Variants in ELK3 observed in about 807,000 individuals in gnomAD.
ELK3 encodes ETS domain-containing protein Elk-3.
In ELK3, 10 loss-of-function variants were observed where a neutral mutation model predicts 28.9. That is an observed-to-expected ratio of 0.35 (90% CI 0.21 to 0.59). ELK3 has a LOEUF of 0.59. Among genes scored for constraint, ELK3 ranks in the 20% least tolerant of loss-of-function variants. The probability of loss-of-function intolerance (pLI) is 0.82; values close to 1 mark genes in which losing one functional copy is unlikely to be tolerated. For synonymous variants in ELK3, 272 were observed against 243.5 expected, an observed-to-expected ratio of 1.12 and a Z score of -1.09; for missense variants, 463 against 517.3, an observed-to-expected ratio of 0.90 and a Z score of 1.02.
chr12:96,269,514 A>T lies in ELK3; in HGVS notation c.*2334A>T, dbSNP rs1245280833. Reference sequence around the variant, plus strand: ...GGATGAAAATACTCCTGTAACACAAACAGAGAACTGGAGGAACTGAAGAAT... The same window carrying T: ...GGATGAAAATACTCCTGTAACACAATCAGAGAACTGGAGGAACTGAAGAAT... On this transcript the variant is annotated 3_prime_UTR_variant, in exon 5 of 5. Transcript: ENST00000228741. 6.6e-6 allele frequency: 1 copy of T among 152,192 alleles called. No individual in the cohort carries two copies. The highest frequency in any genetic ancestry group is 1.9e-4 in the East Asian group (1 of 5,198). The allele number at this position is 152,192 out of a possible 1,614,324, so 9.4% of individuals were successfully genotyped here.
chr12:96,215,628 CCT>C (rs1491363670), intron 1 of ELK3, among the ~76,000 whole-genome samples: 2 of 134,934 alleles, frequency 1.5e-5, no homozygotes, highest in Non-Finnish European at 3.1e-5. Context: ...GGACATAAAA[CCT>C]TTTTTTTTTT....
At chr12:96,210,597 A>ACACACACCCCCCC (rs1416746905) in intron 1 of ELK3, among the ~76,000 whole-genome samples, 4 of 148,954 alleles carry the variant, frequency 2.7e-5, no homozygotes, top group Admixed American at 6.7e-5. Context: ...ACACACACAC[A>ACACACACCCCCCC]CCCCGAGTGG....
chr12:96,243,424 T>G (rs925926392), intron 2 of ELK3, among the ~76,000 whole-genome samples: 2 of 152,214 alleles, frequency 1.3e-5, no homozygotes, highest in Non-Finnish European at 2.9e-5. Flanking sequence ...CACTTTGCAG[T>G]GAATCATAGA....
chr12:96,265,437 G>A (rs897611287), intron 4 of ELK3, among the ~76,000 whole-genome samples: 2 of 152,174 alleles, frequency 1.3e-5, no homozygotes, highest in Non-Finnish European at 2.9e-5. Flanking sequence ...TGCAATCCCA[G>A]CACTTTGGGA....
intron 1 of ELK3, among the ~76,000 whole-genome samples, chr12:96,200,561 T>C (rs1430514470): frequency 6.6e-6 from 1 of 151,750 alleles, no homozygotes; most frequent in Non-Finnish European, 1.5e-5. Flanking sequence ...GCACTGGCAC[T>C]GTCATAGCTC....
chr12:96,269,762 C>T lies in ELK3; in HGVS notation c.*2582C>T, dbSNP rs890706109. 6.6e-6 allele frequency: 1 copy of T among 152,158 alleles called. No homozygotes were observed. Among genetic ancestry groups the T allele is most frequent in the African/African-American group, 2.4e-5 (1 of 41,430 alleles). The allele number at this position is 152,158 out of a possible 1,614,324, so 9.4% of individuals were successfully genotyped here. ...TCTTTTCTATGACTGCAAATCTTCA[C>T]TTTATGTATCATTTTTACTGTCATA... On this transcript the variant is annotated 3_prime_UTR_variant, in exon 5 of 5. Coordinates refer to ENST00000228741, the MANE Select transcript of ELK3 (RefSeq NM_005230.4).
In ELK3 at chr12:96,269,653, TTA is replaced by T. The variant is rs1478313836; in HGVS notation, c.*2475_*2476del. 6.6e-6 allele frequency: 1 copy of T among 152,238 alleles called. No homozygotes were observed. Among genetic ancestry groups the T allele is most frequent in the Admixed American group, 6.5e-5 (1 of 15,294 alleles). 9.4% of individuals were successfully genotyped at this position (152,238 alleles called of 1,614,324 possible). A position where few individuals can be genotyped will look rare whatever the true frequency, so the allele number is the denominator to read the frequency against. On this transcript the variant is annotated 3_prime_UTR_variant, in exon 5 of 5. Coordinates refer to ENST00000228741, the MANE Select transcript of ELK3 (RefSeq NM_005230.4). Reference sequence around the variant, plus strand: ...AACATTAATGACTTTCTTTTCCCTTTTATGTCTGCTTAATCAGTGTTAAACTG... The same window carrying T: ...AACATTAATGACTTTCTTTTCCCTTTTGTCTGCTTAATCAGTGTTAAACTG...
chr12:96,204,455 G>C (rs1185629755), intron 1 of ELK3, among the ~76,000 whole-genome samples: 1 of 152,196 alleles, frequency 6.6e-6, no homozygotes, highest in African/African-American at 2.4e-5. Flanking sequence ...GGGAGGACTA[G>C]GTCTCCTAAT....
At chr12:96,196,006 G>T (rs1003772359) in intron 1 of ELK3, among the ~76,000 whole-genome samples, 1 of 151,968 alleles carries the variant, frequency 6.6e-6, no homozygotes, top group Non-Finnish European at 1.5e-5. Context: ...AGTTGGCTGC[G>T]GAGAGGGTTA....
At chr12:96,235,385 CGTCTCCCT>C (rs1565785787) in intron 2 of ELK3, among the ~76,000 whole-genome samples, 1 of 152,080 alleles carries the variant, frequency 6.6e-6, no homozygotes, top group Non-Finnish European at 1.5e-5. Flanking sequence ...GCTGTCATTG[CGTCTCCCT>C]TACGGGGCCG....
chr12:96,237,164 T>G (rs1951790715), intron 2 of ELK3, among the ~76,000 whole-genome samples: 1 of 152,224 alleles, frequency 6.6e-6, no homozygotes, highest in African/African-American at 2.4e-5. Context: ...TCTAAGGTCC[T>G]TGGTGGACAT....
In ELK3 at chr12:96,269,352, A is replaced by G. The variant is rs773364075; in HGVS notation, c.*2172A>G. On this transcript the variant is annotated 3_prime_UTR_variant, in exon 5 of 5. Transcript: ENST00000228741. ...CTCAACCAAAACTACTATTTTTAGT[A>G]TACTTGTTTACGTAAATGCTGATTG... The G allele has an allele frequency of 6.6e-6, 1 of 152,244 alleles. No individual in the cohort carries two copies. Among genetic ancestry groups the G allele is most frequent in the Non-Finnish European group, 1.5e-5 (1 of 68,044 alleles). 9.4% of individuals were successfully genotyped at this position (152,244 alleles called of 1,614,324 possible).
intron 1 of ELK3, among the ~76,000 whole-genome samples, chr12:96,213,088 G>T (rs1278324342): frequency 6.6e-6 from 1 of 152,174 alleles, no homozygotes; most frequent in African/African-American, 2.4e-5. Context: ...AGCTGTTTAT[G>T]TGTTGTGGAA....
chr12:96,201,745 T>A (rs892847434), intron 1 of ELK3, among the ~76,000 whole-genome samples: 2 of 152,192 alleles, frequency 1.3e-5, no homozygotes, highest in Non-Finnish European at 2.9e-5. Flanking sequence ...TCCAGACATC[T>A]GACTTATAGA....
rs186192132 is a variant in ELK3 at position 96,224,930 on chromosome 12, A to C, written c.207+1157A>C. On this transcript the variant is annotated intron_variant, in intron 2 of 4. Coordinates refer to ENST00000228741, the MANE Select transcript of ELK3 (RefSeq NM_005230.4). Reference sequence around the variant, plus strand: ...GACATAAGGATTATACGTTTCAGGAAGTAGAGACATCATTAATTATAAAGT... The same window carrying C: ...GACATAAGGATTATACGTTTCAGGACGTAGAGACATCATTAATTATAAAGT... Among the ~76,000 whole-genome samples the C allele has an allele frequency of 1.1e-4, 17 of 152,374 alleles. 1 individual carries two copies. The highest frequency in any genetic ancestry group is 1.0e-3 in the Admixed American group (16 of 15,308).
intron 3 of ELK3, among the ~76,000 whole-genome samples, chr12:96,256,521 C>G (rs1951950283): frequency 6.6e-6 from 1 of 152,090 alleles, no homozygotes; most frequent in Non-Finnish European, 1.5e-5. Flanking sequence ...AGTGGAGATG[C>G]CCAACAAGCG....
intron 4 of ELK3, among the ~76,000 whole-genome samples, chr12:96,260,736 G>A (rs1177995381): frequency 6.6e-6 from 1 of 152,168 alleles, no homozygotes; most frequent in African/African-American, 2.4e-5. Context: ...CTGAAGAAAA[G>A]GTGGACCCAG....
In ELK3 at chr12:96,196,372, A is replaced by G. The variant is rs532271014; in HGVS notation, c.-3+1667A>G. On this transcript the variant is annotated intron_variant, in intron 1 of 4. Coordinates refer to ENST00000228741, the MANE Select transcript of ELK3 (RefSeq NM_005230.4). ...TGTGTGTTGAGAGGTGGGGGGAGAT[A>G]AGCAGCTCACACACACCCATCTTCT... Among the ~76,000 whole-genome samples, 5 of 151,794 alleles carry G rather than the reference A, an allele frequency of 3.3e-5. No homozygotes were observed. The South Asian group carries it at 1.0e-3, about 32-fold the overall frequency.
chr12:96,205,454 A>G (rs1951533393), intron 1 of ELK3, among the ~76,000 whole-genome samples: 1 of 152,156 alleles, frequency 6.6e-6, no homozygotes. Context: ...CATTTAGACC[A>G]GAGGGCATTG....
Sources: gnomAD v4.1 joint callset for allele counts (sites outside exome capture counted in the v4.1 genomes callset) on GRCh38, gnomAD v4.1.1 for gene constraint, MANE v1.5 for transcripts, NCBI Gene and HGNC (gene_info 2026-07-23, HGNC 2026-07-21) for gene names.